The following CTTNBP2 variants were observed in gnomAD, a reference collection of about 807,000 sequenced individuals.
CTTNBP2 encodes the protein cortactin-binding protein 2.
In CTTNBP2, 108 loss-of-function variants were observed where a neutral mutation model predicts 156.9. The ratio of observed to expected loss-of-function variants is 0.69; its 90% CI spans 0.59 to 0.81. The LOEUF is 0.81. Ranked by LOEUF, CTTNBP2 falls within the 30% of genes least tolerant of loss-of-function variation. The probability of loss-of-function intolerance (pLI) is 0.00; values close to 1 mark genes in which losing one functional copy is unlikely to be tolerated. For synonymous variants in CTTNBP2, 767 were observed against 751.8 expected, an observed-to-expected ratio of 1.02 and a Z score of -0.33; for missense variants, 1,924 against 2,035.4, an observed-to-expected ratio of 0.95 and a Z score of 1.05.
At chr7:117,722,525 CTA>C (rs887140964) in intron 19 of CTTNBP2, among the ~76,000 whole-genome samples, 17 of 152,118 alleles carry the variant, frequency 1.1e-4, no homozygotes, top group Non-Finnish European at 1.3e-4. Context: ...AGTTCTAAAA[CTA>C]AAATTATTAA....
chr7:117,867,356 T>C (rs956426551), intron 1 of CTTNBP2, among the ~76,000 whole-genome samples: 1 of 152,168 alleles, frequency 6.6e-6, no homozygotes, highest in Non-Finnish European at 1.5e-5. Context: ...AAATCTCTTG[T>C]TCTCGCCATT....
chr7:117,819,460 C>T (rs1236781670), intron 2 of CTTNBP2, among the ~76,000 whole-genome samples: 1 of 151,756 alleles, frequency 6.6e-6, no homozygotes, highest in Non-Finnish European at 1.5e-5. Flanking sequence ...ATAAAAGTTA[C>T]ACAGTCATCT....
At position 117,804,048 on chromosome 7, in the gene CTTNBP2, T is replaced by G. The variant is rs189644154; in HGVS notation, c.414+6717A>C. ...GGTGATCTCAGCTCACTGCAACCTCTGCCTCCTGGGTTCGAGAGATTCTTT... is the reference window on the plus strand; with the variant it reads ...GGTGATCTCAGCTCACTGCAACCTCGGCCTCCTGGGTTCGAGAGATTCTTT... On this transcript the variant is annotated intron_variant, in intron 3 of 22. Coordinates refer to ENST00000160373, the MANE Select transcript of CTTNBP2 (RefSeq NM_033427.3). Among the ~76,000 whole-genome samples, 38 of 152,246 alleles carry G rather than the reference T, an allele frequency of 2.5e-4. No individual in the cohort carries two copies. The East Asian group carries it at 6.6e-3, about 26-fold the overall frequency.
At chr7:117,769,656 A>G (rs1797702226) in intron 8 of CTTNBP2, among the ~76,000 whole-genome samples, 1 of 152,268 alleles carries the variant, frequency 6.6e-6, no homozygotes, top group Admixed American at 6.5e-5. Context: ...ATGTCAATTC[A>G]TATCAATTTG....
intron 12 of CTTNBP2, among the ~76,000 whole-genome samples, chr7:117,753,918 T>C (rs1268954893): frequency 6.6e-6 from 1 of 152,170 alleles, no homozygotes; most frequent in African/African-American, 2.4e-5. Flanking sequence ...AAATAAAAGT[T>C]GAAGGTAAAC....
chr7:117,721,467 G>A (rs1178319768), intron 19 of CTTNBP2, among the ~76,000 whole-genome samples: 2 of 152,174 alleles, frequency 1.3e-5, no homozygotes, highest in Admixed American at 1.3e-4. Context: ...TTAGGCCCTT[G>A]TTCTCAAAGG....
chr7:117,804,034 C>T (rs1584455286), intron 3 of CTTNBP2, among the ~76,000 whole-genome samples: 1 of 152,278 alleles, frequency 6.6e-6, no homozygotes, highest in East Asian at 1.9e-4. Context: ...GTGATCTCAG[C>T]TCACTGCAAC....
In CTTNBP2 at chr7:117,724,631, A is replaced by C; in HGVS notation, c.4363T>G (p.Trp1455Gly). 6.2e-7 allele frequency: 1 copy of C among 1,614,086 alleles called. No individual in the cohort carries two copies. Among genetic ancestry groups the C allele is most frequent in the Non-Finnish European group, 8.5e-7 (1 of 1,179,986 alleles). Residue 1455 changes from tryptophan (W) to glycine (G), a missense_variant, in exon 19 of 23, where the codon TGG becomes GGG. Physicochemically the swap from Trp to Gly is radical, Grantham distance 184. Transcript: ENST00000160373. ...CNKKKGESGA[W>G]RKVNTSPRRK... ...CGAGGACTGGTGTTCACCTTTCTCC[A>C]GGCACCACTCTCTCCTTTCTTCTTG...
intron 12 of CTTNBP2, among the ~76,000 whole-genome samples, chr7:117,750,793 C>G (rs1449905490): frequency 6.6e-6 from 1 of 152,164 alleles, no homozygotes; most frequent in African/African-American, 2.4e-5. Context: ...ACGCTTCCAG[C>G]AGAGGGCTCT....
At chr7:117,725,442 TC>T (rs1437739910) in intron 17 of CTTNBP2, among the ~76,000 whole-genome samples, 185 bp from the exon 18 acceptor site, 33 of 152,346 alleles carry the variant, frequency 2.2e-4, no homozygotes, top group African/African-American at 6.5e-4. Context: ...TGAATCTGCC[TC>T]AAAAATACAC....
At position 117,760,537 on chromosome 7, in the gene CTTNBP2, T is replaced by C. The variant is rs377456027; in HGVS notation, c.3070A>G (p.Ile1024Val). 26 of 1,614,008 alleles carry C rather than the reference T, an allele frequency of 1.6e-5. No individual in the cohort carries two copies. Among genetic ancestry groups the C allele is most frequent in the South Asian group, 5.5e-5 (5 of 91,084 alleles). The change falls in exon 10 of 23, where the codon ATC becomes GTC. Residue 1024 changes from isoleucine to valine, a missense_variant. Physicochemically the swap from Ile to Val is conservative, Grantham distance 29 (BLOSUM62 3). Transcript: ENST00000160373. ...AGACTCCACCATCCATCAGAAGAGA[T>C]TGCCTGGAAATGATTTGTCAGAGCT... is the stretch of plus-strand genomic sequence containing the variant. ...SQALTNHFQA[I>V]SSDGWWSLED...
chr7:117,843,319 A>G (rs1320891688), intron 2 of CTTNBP2, among the ~76,000 whole-genome samples: 1 of 152,202 alleles, frequency 6.6e-6, no homozygotes, highest in Non-Finnish European at 1.5e-5. Context: ...CATATCAGAT[A>G]TTGATAAATG....
chr7:117,870,797 A>G (rs1216337819), intron 1 of CTTNBP2, among the ~76,000 whole-genome samples: 1 of 152,228 alleles, frequency 6.6e-6, no homozygotes, highest in Non-Finnish European at 1.5e-5. Context: ...GGCACGGTTC[A>G]CGGCAAAGAC....
At chr7:117,807,384 G>A (rs1354825598) in intron 3 of CTTNBP2, among the ~76,000 whole-genome samples, 1 of 152,122 alleles carries the variant, frequency 6.6e-6, no homozygotes, top group Non-Finnish European at 1.5e-5. Context: ...ATGAAGTAGA[G>A]AACATGGAAT....
intron 2 of CTTNBP2, among the ~76,000 whole-genome samples, chr7:117,834,985 A>G (rs1312996210): frequency 6.6e-6 from 1 of 152,248 alleles, no homozygotes; most frequent in African/African-American, 2.4e-5. Context: ...GAAATGCCTC[A>G]AAATGATGCA....
At chr7:117,724,001 A>G (rs1562952788) in intron 19 of CTTNBP2, among the ~76,000 whole-genome samples, 1 of 152,036 alleles carries the variant, frequency 6.6e-6, no homozygotes, top group Non-Finnish European at 1.5e-5. Context: ...CAGTTCTGGG[A>G]TTACAGGTAT....
At chr7:117,858,883 C>T (rs191249761) in intron 2 of CTTNBP2, among the ~76,000 whole-genome samples, 104 of 152,226 alleles carry the variant, frequency 6.8e-4, no homozygotes, top group South Asian at 2.1e-4. Flanking sequence ...TTCAGAAAAT[C>T]ACCTCACCCA....
At chr7:117,816,918 G>C (rs1180170585) in intron 2 of CTTNBP2, among the ~76,000 whole-genome samples, 1 of 152,046 alleles carries the variant, frequency 6.6e-6, no homozygotes, top group African/African-American at 2.4e-5. Flanking sequence ...CTTGGTTTAT[G>C]GATCAGAATT....
At chr7:117,774,199 G>A (rs1797975576) in intron 8 of CTTNBP2, among the ~76,000 whole-genome samples, 1 of 152,122 alleles carries the variant, frequency 6.6e-6, no homozygotes, top group African/African-American at 2.4e-5. Flanking sequence ...ACATTTAATG[G>A]TGGTCTGCAC....
Sources: gnomAD v4.1 joint callset for allele counts (sites outside exome capture counted in the v4.1 genomes callset) on GRCh38, gnomAD v4.1.1 for gene constraint, MANE v1.5 for transcripts, NCBI Gene and HGNC (gene_info 2026-07-23, HGNC 2026-07-21) for gene names.